Variants in MLPH observed in about 807,000 individuals in gnomAD.
MLPH encodes exophilin-3.
Under a neutral mutation model 72.1 loss-of-function variants are expected in MLPH, and 51 were observed. The observed-to-expected ratio is 0.71, with a 90% CI of 0.56 to 0.89. The LOEUF is 0.89. Ranked by LOEUF, MLPH falls within the 40% of genes least tolerant of loss-of-function variation. The pLI, the probability that MLPH is intolerant of heterozygous loss-of-function variation, is 0.00. For missense variants in MLPH, 743 were observed against 759.9 expected, an observed-to-expected ratio of 0.98 and a Z score of 0.26; for synonymous variants, 301 against 310.1, an observed-to-expected ratio of 0.97 and a Z score of 0.31.
At position 237,533,032 on chromosome 2, in the gene MLPH, G is replaced by A. The variant is rs184458990; in HGVS notation, c.1021-1532G>A. On this transcript the variant is annotated intron_variant, in intron 8 of 15. Transcript: ENST00000264605. Reference sequence around the variant, plus strand: ...CCAGTCCTTACCAATGAGAGGAGCTGATGGTGCCTTTGATCACAGTGTACA... The same window carrying A: ...CCAGTCCTTACCAATGAGAGGAGCTAATGGTGCCTTTGATCACAGTGTACA... 2.6e-5 allele frequency among the ~76,000 whole-genome samples: 4 copies of A among 152,320 alleles called. No homozygotes were observed. The East Asian group carries it at 7.7e-4, about 29-fold the overall frequency.
In MLPH at chr2:237,542,718, GC is replaced by G. The variant is rs201243555; in HGVS notation, c.1539+60del. 126 of 1,245,344 alleles carry G rather than the reference GC, an allele frequency of 1.0e-4. 1 individual carries two copies. The highest frequency in any genetic ancestry group is 5.5e-4 in the African/African-American group (29 of 53,098). 77.1% of individuals were successfully genotyped at this position (1,245,344 alleles called of 1,614,324 possible). ...CTGAGTGGGGGGGCAGTGGTGAGTGGCGGACAGTGGTGAGTGGGGGACAGTG... is the reference window on the plus strand; with the variant it reads ...CTGAGTGGGGGGGCAGTGGTGAGTGGGGACAGTGGTGAGTGGGGGACAGTG... On this transcript the variant is annotated intron_variant, in intron 12 of 15. Coordinates refer to ENST00000264605, the MANE Select transcript of MLPH (RefSeq NM_024101.7).
In MLPH at chr2:237,525,745, G is replaced by T. The variant is rs770238828; in HGVS notation, c.820G>T (p.Ala274Ser). 7 of 1,613,930 alleles carry T rather than the reference G, an allele frequency of 4.3e-6. No homozygotes were observed. The highest frequency in any genetic ancestry group is 5.1e-6 in the Non-Finnish European group (6 of 1,180,030). Residue 274 changes from alanine to serine, a missense_variant, in exon 7 of 16, where the codon GCT becomes TCT. Ala to Ser is a moderately conservative substitution (Grantham distance 99, BLOSUM62 1). Coordinates refer to ENST00000264605, the MANE Select transcript of MLPH (RefSeq NM_024101.7). ...CTCACCTTCCAGACACGGCGCCCTG[G>T]CTGAGCTCTGCCCGCCTGGAGGCTC... ...SISPSRHGAL[A>S]ELCPPGGSHR...
At chr2:237,519,876 G>A in intron 5 of MLPH, 34 bp from the exon 6 acceptor site, 1 of 1,613,836 alleles carries the variant, frequency 6.2e-7, no homozygotes. Flanking sequence ...AGCTAGCCCT[G>A]ACTTGAGTCT....
At chr2:237,532,769 T>C (rs13404177) in intron 8 of MLPH, among the ~76,000 whole-genome samples, 61,312 of 152,170 alleles carry the variant, frequency 0.4, 15,333 homozygotes, top group African/African-American at 0.71. Context: ...AGAGCAGTTG[T>C]TACTGTTGGA....
Position 237,525,841 on chromosome 2 carries a change from C to T in MLPH, c.880+36C>T, listed in dbSNP as rs200565379. On this transcript the variant is annotated intron_variant, in intron 7 of 15. Coordinates refer to ENST00000264605, the MANE Select transcript of MLPH (RefSeq NM_024101.7). ...TTGGCCAGGGTCTTCCTGATGGGCT[C>T]GGCATGGGGGAGCAGGTCACTGAGG... The T allele has an allele frequency of 3.6e-4, 578 of 1,594,752 alleles. 1 individual carries two copies. In the African/African-American group the frequency reaches 6.6e-3, roughly 18 times the overall value.
intron 2 of MLPH, among the ~76,000 whole-genome samples, chr2:237,500,769 C>T (rs1459083178): frequency 6.6e-6 from 1 of 152,044 alleles, no homozygotes; most frequent in Non-Finnish European, 1.5e-5. Context: ...CTGCTCCTTC[C>T]CTCTCACCCC....
rs547220614 is a variant in MLPH, at chr2:237,507,093, T to C, written c.111-3481T>C. On this transcript the variant is annotated intron_variant, in intron 2 of 15. Transcript: ENST00000264605. ...TTTTTTTTTTTTTTTTGAGACAAAG[T>C]CTCTCTCTGCCACCCTTGGATGGAG... 4.7e-4 allele frequency among the ~76,000 whole-genome samples: 63 copies of C among 134,514 alleles called. 1 individual carries two copies. The highest frequency in any genetic ancestry group is 1.7e-3 in the African/African-American group (59 of 33,868). The allele number at this position is 134,514 out of a possible 152,430, so 88.2% of individuals were successfully genotyped here.
rs951945041 is a variant in MLPH at position 237,546,763 on chromosome 2, A to G, written c.1617+80A>G. 1.6e-5 allele frequency: 19 copies of G among 1,211,222 alleles called. No individual in the cohort carries two copies. In the African/African-American group the frequency reaches 2.8e-4, roughly 18 times the overall value. The allele number at this position is 1,211,222 out of a possible 1,614,324, so 75.0% of individuals were successfully genotyped here. On this transcript the variant is annotated intron_variant, in intron 13 of 15. Coordinates refer to ENST00000264605, the MANE Select transcript of MLPH (RefSeq NM_024101.7). ...CCCTTTCCAGCAGTGTGGCAAGTCC[A>G]CGGGGTGGCAGAGATGCAATGTCCT...
intron 9 of MLPH, chr2:237,537,659 A>C (rs938032951): frequency 6.6e-6 from 1 of 152,300 alleles, no homozygotes; most frequent in Non-Finnish European, 1.5e-5. Context: ...GACCCCAGGC[A>C]GCCAGCCCTG....
chr2:237,524,580 G>T (rs2080261622), intron 6 of MLPH, among the ~76,000 whole-genome samples: 2 of 152,070 alleles, frequency 1.3e-5, no homozygotes, highest in Non-Finnish European at 2.9e-5. Context: ...GGCTGGGTGT[G>T]CCTTCCCCAG....
chr2:237,545,430 A>C (rs1278399471), intron 12 of MLPH: 8 of 1,279,298 alleles, frequency 6.3e-6, no homozygotes, highest in Non-Finnish European at 8.1e-6. Context: ...ATTTTTGTTT[A>C]TTATTTGTTG....
chr2:237,552,131 C>T, intron 14 of MLPH: 1 of 544,630 alleles, frequency 1.8e-6, no homozygotes. Context: ...AGTGCCAGAG[C>T]AAAGGAGAAA....
chr2:237,545,682 G>T, intron 12 of MLPH: 3 of 1,227,938 alleles, frequency 2.4e-6, no homozygotes, highest in Admixed American at 3.0e-5. Context: ...TCCCATTCAG[G>T]AATCTTCAGA....
At position 237,512,223 on chromosome 2, in the gene MLPH, G is replaced by A. The variant is rs1218603789; in HGVS notation, c.445+1122G>A. 1.3e-5 allele frequency among the ~76,000 whole-genome samples: 2 copies of A among 152,324 alleles called. No homozygotes were observed. Among genetic ancestry groups the A allele is most frequent in the East Asian group, 3.9e-4 (2 of 5,192 alleles). ...TTCCTTCTGGAGAGACACCTTATTC[G>A]TGCCTGTCTCTTAAAGCCTCAAGTT... On this transcript the variant is annotated intron_variant, in intron 4 of 15. Transcript: ENST00000264605. The surrounding 1 kb of genome is among the most constrained non-coding windows in gnomAD (Gnocchi z 5.5).
At chr2:237,501,535 A>T (rs1033638513) in intron 2 of MLPH, among the ~76,000 whole-genome samples, 2 of 151,950 alleles carry the variant, frequency 1.3e-5, no homozygotes, top group African/African-American at 2.4e-5. Flanking sequence ...ATCTAAAATA[A>T]TTCACTCTAG....
chr2:237,552,470 T>C (rs766847913), intron 15 of MLPH, 33 bp downstream of exon 15: 3 of 1,554,310 alleles, frequency 1.9e-6, no homozygotes, highest in South Asian at 1.1e-5. Flanking sequence ...GAGGAGTTTT[T>C]AAAGTTCAGT....
chr2:237,522,600 T>C (rs1174726782), intron 6 of MLPH, among the ~76,000 whole-genome samples: 1 of 142,814 alleles, frequency 7.0e-6, no homozygotes, highest in Non-Finnish European at 1.5e-5. Context: ...AGTGCTGGAG[T>C]GGAGTAGAAC....
intron 6 of MLPH, among the ~76,000 whole-genome samples, chr2:237,521,789 ATGACTATAGTGCTGGAG>A (rs1559355414): frequency 1.6e-5 from 2 of 127,046 alleles, no homozygotes; most frequent in East Asian, 2.3e-4. Context: ...AACACCTGCT[ATGACTATAGTGCTGGAG>A]CGGAGCAGGG....
At chr2:237,489,287 G>A (rs550657171) in intron 1 of MLPH, among the ~76,000 whole-genome samples, 2 of 152,254 alleles carry the variant, frequency 1.3e-5, no homozygotes, top group Non-Finnish European at 2.9e-5. Context: ...ACTCCCCAGA[G>A]AACTGGGAGA....
Sources: gnomAD v4.1 joint callset for allele counts (sites outside exome capture counted in the v4.1 genomes callset) on GRCh38, gnomAD v4.1.1 for gene constraint, Gnocchi (gnomAD v3.1) non-coding constraint, MANE v1.5 for transcripts, NCBI Gene and HGNC (gene_info 2026-07-23, HGNC 2026-07-21) for gene names.